CCDC85A: variants seen among roughly 807,000 people sequenced by gnomAD.
The protein encoded by CCDC85A is coiled-coil domain containing 85A.
A neutral mutation model predicts 50.2 loss-of-function variants in CCDC85A; 38 were observed. That is an observed-to-expected ratio of 0.76 (90% CI 0.58 to 0.99). CCDC85A has a LOEUF of 0.99. Among genes scored for constraint, CCDC85A ranks in the 50% least tolerant of loss-of-function variants. The pLI, the probability that CCDC85A is intolerant of heterozygous loss-of-function variation, is 0.00. For synonymous variants in CCDC85A, 366 were observed against 301.4 expected, an observed-to-expected ratio of 1.21 and a Z score of -2.22; for missense variants, 820 against 742.0, an observed-to-expected ratio of 1.11 and a Z score of -1.22.
At chr2:56,278,167 G>A (rs1436311599) in intron 2 of CCDC85A, among the ~76,000 whole-genome samples, 5 of 152,122 alleles carry the variant, frequency 3.3e-5, no homozygotes, top group African/African-American at 4.8e-5. Context: ...TTTCCCCCAT[G>A]CCAGAGTGTC....
At chr2:56,259,048 G>A (rs1343396819) in intron 2 of CCDC85A, among the ~76,000 whole-genome samples, 2 of 152,146 alleles carry the variant, frequency 1.3e-5, no homozygotes. Flanking sequence ...GAGGTTGGAT[G>A]TCATATGGTT....
chr2:56,371,051 G>C (rs1488576627), intron 3 of CCDC85A, among the ~76,000 whole-genome samples: 1 of 152,112 alleles, frequency 6.6e-6, no homozygotes, highest in Admixed American at 6.6e-5. Context: ...TTCTTTTGAT[G>C]ATGGAAACAA....
intron 2 of CCDC85A, among the ~76,000 whole-genome samples, chr2:56,333,983 G>A (rs1673951429): frequency 6.6e-6 from 1 of 152,118 alleles, no homozygotes; most frequent in African/African-American, 2.4e-5. Context: ...GTGCTTCTGA[G>A]CACCACCTTT....
chr2:56,215,242 A>G (rs778826511), intron 2 of CCDC85A, among the ~76,000 whole-genome samples: 13 of 151,870 alleles, frequency 8.6e-5, no homozygotes, highest in Non-Finnish European at 1.9e-4. Flanking sequence ...ATACTTGCTT[A>G]CTAGTTTCAG....
chr2:56,211,448 T>C (rs2103879216), intron 2 of CCDC85A, among the ~76,000 whole-genome samples: 1 of 152,228 alleles, frequency 6.6e-6, no homozygotes, highest in South Asian at 2.1e-4. Context: ...ATTTGCTTGC[T>C]ATTATTTTTA....
At chr2:56,246,699 A>G (rs1351553263) in intron 2 of CCDC85A, among the ~76,000 whole-genome samples, 1 of 152,132 alleles carries the variant, frequency 6.6e-6, no homozygotes, top group Non-Finnish European at 1.5e-5. Context: ...TTTATTTCTG[A>G]CTCAATTATA....
At chr2:56,333,486 T>C (rs1178089027) in intron 2 of CCDC85A, among the ~76,000 whole-genome samples, 1 of 152,130 alleles carries the variant, frequency 6.6e-6, no homozygotes. Context: ...GATGGACTTT[T>C]TAAGAACTTT....
chr2:56,375,722 T>C, intron 4 of CCDC85A, 94 bp from the exon 5 acceptor site: 1 of 1,336,496 alleles, frequency 7.5e-7, no homozygotes, highest in Non-Finnish European at 1.0e-6. Context: ...AAATGGCTAA[T>C]TCTCATTTGG....
chr2:56,255,581 C>T (rs1192684135), intron 2 of CCDC85A, among the ~76,000 whole-genome samples: 4 of 151,906 alleles, frequency 2.6e-5, no homozygotes, highest in Admixed American at 2.6e-4. Context: ...GGATAAGGGG[C>T]CTTTCAGAAG....
At chr2:56,272,514 C>T (rs568294345) in intron 2 of CCDC85A, among the ~76,000 whole-genome samples, 1 of 152,290 alleles carries the variant, frequency 6.6e-6, no homozygotes, top group African/African-American at 2.4e-5. Context: ...TCCCCATCAC[C>T]TCCCATTCTT....
intron 2 of CCDC85A, among the ~76,000 whole-genome samples, chr2:56,202,140 C>T (rs1044181219): frequency 1.3e-5 from 2 of 152,204 alleles, no homozygotes; most frequent in African/African-American, 4.8e-5. Context: ...AAATTAGACA[C>T]ATGCAGTGAT....
At chr2:56,272,512 A>G (rs1038193512) in intron 2 of CCDC85A, among the ~76,000 whole-genome samples, 2 of 151,960 alleles carry the variant, frequency 1.3e-5, no homozygotes, top group African/African-American at 4.8e-5. Context: ...TCTCCCCATC[A>G]CCTCCCATTC....
intron 2 of CCDC85A, among the ~76,000 whole-genome samples, chr2:56,295,390 T>C (rs1046991774): frequency 1.3e-5 from 2 of 152,236 alleles, no homozygotes; most frequent in Non-Finnish European, 2.9e-5. Context: ...GTGAGTTGAC[T>C]TCTTCACAAA....
At chr2:56,287,941 CAG>C (rs1339180141) in intron 2 of CCDC85A, among the ~76,000 whole-genome samples, 1 of 152,078 alleles carries the variant, frequency 6.6e-6, no homozygotes, top group African/African-American at 2.4e-5. Context: ...TCGTCTTCCA[CAG>C]AGAGCTGCCA....
chr2:56,365,245 T>C (rs1338667458), intron 3 of CCDC85A, among the ~76,000 whole-genome samples: 1 of 152,238 alleles, frequency 6.6e-6, no homozygotes, highest in Non-Finnish European at 1.5e-5. Context: ...TTTGGCATAA[T>C]AAATGAGGGG....
rs1056432275 is a variant in CCDC85A, at chr2:56,384,179, C to A, written c.1573-87C>A. ...GTCTCTTGTCTTTACTTCATCTTCGCTCCTCTCTTAATTTACCCTTAAGAA... is the reference window on the plus strand; with the variant it reads ...GTCTCTTGTCTTTACTTCATCTTCGATCCTCTCTTAATTTACCCTTAAGAA... On this transcript the variant is annotated intron_variant, in intron 5 of 5. Coordinates refer to ENST00000407595, the MANE Select transcript of CCDC85A (RefSeq NM_001080433.2). 10 of 1,154,492 alleles carry A rather than the reference C, an allele frequency of 8.7e-6. No homozygotes were observed. The African/African-American group carries it at 1.5e-4, about 18-fold the overall frequency. 71.5% of individuals were successfully genotyped at this position (1,154,492 alleles called of 1,614,324 possible).
Position 56,191,273 on chromosome 2 carries a change from G to A in CCDC85A, c.277-1204G>A, listed in dbSNP as rs183208558. On this transcript the variant is annotated intron_variant, in intron 1 of 5. Coordinates refer to ENST00000407595, the MANE Select transcript of CCDC85A (RefSeq NM_001080433.2). ...CTGCATGACGTTATGCTCTATACGTGTTTTTTGCCAGTCTTTCCCACCACA... is the reference window on the plus strand; with the variant it reads ...CTGCATGACGTTATGCTCTATACGTATTTTTTGCCAGTCTTTCCCACCACA... Among the ~76,000 whole-genome samples, 473 of 152,228 alleles carry A rather than the reference G, an allele frequency of 3.1e-3. 3 individuals are homozygous for A. Among genetic ancestry groups the A allele is most frequent in the African/African-American group, 0.011 (458 of 41,508 alleles).
intron 2 of CCDC85A, among the ~76,000 whole-genome samples, chr2:56,330,171 C>G (rs1673712140): frequency 6.6e-6 from 1 of 151,918 alleles, no homozygotes; most frequent in Non-Finnish European, 1.5e-5. Flanking sequence ...GAAAGTAAGA[C>G]ACATTTTAAC....
chr2:56,315,565 T>C (rs763733), intron 2 of CCDC85A, among the ~76,000 whole-genome samples: 64 of 152,256 alleles, frequency 4.2e-4, no homozygotes, highest in Middle Eastern at 3.4e-3. Context: ...GACCACCATA[T>C]GGAATCAATT....
Sources: allele counts gnomAD v4.1 joint callset (sites outside exome capture counted in the v4.1 genomes callset), GRCh38; gene constraint gnomAD v4.1.1; transcripts MANE v1.5; gene names NCBI Gene and HGNC (gene_info 2026-07-23, HGNC 2026-07-21).